PCDH15: variants seen among roughly 807,000 people sequenced by gnomAD.
PCDH15 encodes protocadherin-15.
Under a neutral mutation model 178.5 loss-of-function variants are expected in PCDH15, and 129 were observed. The observed-to-expected ratio is 0.72, with a 90% CI of 0.63 to 0.84. PCDH15 has a LOEUF of 0.84. PCDH15 is among the 40% of genes least tolerant of loss of function. The pLI is 0.00. For synonymous variants in PCDH15, 800 were observed against 732.0 expected (o/e 1.09, Z -1.50); for missense variants, 2,230 against 2,099.9 (o/e 1.06, Z -1.21).
chr10:54,578,511 T>TA (rs1433041906), intron 2 of PCDH15, among the ~76,000 whole-genome samples: 1 of 152,166 alleles, frequency 6.6e-6, no homozygotes, highest in East Asian at 1.9e-4. Flanking sequence ...CTACATGGTT[T>TA]AAAATAGTAA....
chr10:54,483,672 A>G (rs1274741154), intron 3 of PCDH15, among the ~76,000 whole-genome samples: 1 of 151,832 alleles, frequency 6.6e-6, no homozygotes, highest in African/African-American at 2.4e-5. Context: ...AAAGAAATCA[A>G]TCCTATACTT....
intron 1 of PCDH15, among the ~76,000 whole-genome samples, chr10:54,696,068 A>G (rs1304320401): frequency 3.3e-5 from 5 of 152,050 alleles, no homozygotes; most frequent in African/African-American, 1.2e-4. Flanking sequence ...TCACAAGACT[A>G]TAGCTGGCAT....
At position 53,804,953 on chromosome 10, in the gene PCDH15, T is replaced by C. The variant is rs1223290335; in HGVS notation, c.*1626A>G. ...TTGTTTGTTTGTTTTGTTTTGTTTT[T>C]TTGGCAAGGGTATGGAATGCATTAA... On this transcript the variant is annotated 3_prime_UTR_variant, in exon 38 of 38. Coordinates refer to ENST00000644397, the MANE Select transcript of PCDH15 (RefSeq NM_001384140.1). 6.6e-6 allele frequency: 1 copy of C among 151,918 alleles called. No homozygotes were observed. Among genetic ancestry groups the C allele is most frequent in the Non-Finnish European group, 1.5e-5 (1 of 67,932 alleles). 9.4% of individuals were successfully genotyped at this position (151,918 alleles called of 1,614,324 possible).
intron 4 of PCDH15, among the ~76,000 whole-genome samples, chr10:54,376,550 CTACTA>C (rs2134952012): frequency 6.6e-6 from 1 of 151,156 alleles, no homozygotes; most frequent in South Asian, 2.1e-4. Flanking sequence ...AATGAATTCT[CTACTA>C]TATCTTTGTA....
At chr10:53,974,521 A>G (rs1022756463) in intron 21 of PCDH15, among the ~76,000 whole-genome samples, 5 of 152,100 alleles carry the variant, frequency 3.3e-5, no homozygotes, top group African/African-American at 1.2e-4. Context: ...TCATGCTCAT[A>G]TGTTTTATTT....
chr10:55,067,601 C>T (rs374829918), intron 2 of PCDH15, among the ~76,000 whole-genome samples: 1 of 150,664 alleles, frequency 6.6e-6, no homozygotes, highest in Non-Finnish European at 1.5e-5. Flanking sequence ...TACCCAAATA[C>T]CCAGTAGCGG....
At chr10:54,807,416 T>C (rs1447119689) in intron 3 of PCDH15, among the ~76,000 whole-genome samples, 1 of 152,084 alleles carries the variant, frequency 6.6e-6, no homozygotes, top group Non-Finnish European at 1.5e-5. Flanking sequence ...AAATAAGTAT[T>C]AAAAGAATCT....
At chr10:54,381,322 G>T (rs1477806749) in intron 3 of PCDH15, among the ~76,000 whole-genome samples, 2 of 152,008 alleles carry the variant, frequency 1.3e-5, no homozygotes, top group African/African-American at 4.8e-5. Context: ...CCCAGCAGTG[G>T]TGACTGTATC....
chr10:55,535,049 C>T (rs1016582062), intron 2 of PCDH15, among the ~76,000 whole-genome samples: 3 of 151,940 alleles, frequency 2.0e-5, no homozygotes, highest in African/African-American at 7.3e-5. Context: ...ATGCTGCGGA[C>T]TAGTAGATGG....
chr10:54,080,619 C>G (rs947991570), intron 16 of PCDH15, among the ~76,000 whole-genome samples: 1 of 152,176 alleles, frequency 6.6e-6, no homozygotes, highest in East Asian at 1.9e-4. Flanking sequence ...TACAGAGAGT[C>G]AAAGCCGATG....
At chr10:55,228,722 C>G (rs1841127263) in intron 1 of PCDH15, among the ~76,000 whole-genome samples, 1 of 151,892 alleles carries the variant, frequency 6.6e-6, no homozygotes, top group African/African-American at 2.4e-5. Context: ...CTAAACACCT[C>G]TTATATCTGT....
intron 10 of PCDH15, among the ~76,000 whole-genome samples, chr10:54,199,247 T>C (rs1390186576): frequency 6.6e-6 from 1 of 152,136 alleles, no homozygotes; most frequent in Non-Finnish European, 1.5e-5. Context: ...GATATCTGTC[T>C]CCAAAGCCCA....
At chr10:54,176,691 T>A (rs2047474004) in intron 13 of PCDH15, among the ~76,000 whole-genome samples, 1 of 152,092 alleles carries the variant, frequency 6.6e-6, no homozygotes, top group African/African-American at 2.4e-5. Flanking sequence ...TCTGACTCAG[T>A]TTCAGAATAA....
intron 1 of PCDH15, among the ~76,000 whole-genome samples, chr10:55,258,842 A>G (rs1215078418): frequency 7.0e-6 from 1 of 142,570 alleles, no homozygotes; most frequent in Non-Finnish European, 1.5e-5. Flanking sequence ...TTATCTGAGT[A>G]CCTTCTTCAA....
chr10:54,264,283 G>A (rs2057524820), intron 8 of PCDH15, among the ~76,000 whole-genome samples: 1 of 152,076 alleles, frequency 6.6e-6, no homozygotes, highest in African/African-American at 2.4e-5. Flanking sequence ...TCTAAATGAA[G>A]CAAATTCAAA....
intron 2 of PCDH15, among the ~76,000 whole-genome samples, chr10:55,339,907 G>A (rs1443829599): frequency 1.3e-5 from 2 of 150,778 alleles, no homozygotes; most frequent in Non-Finnish European, 3.0e-5. Flanking sequence ...CTCCACCAAT[G>A]AAATCTTACC....
intron 2 of PCDH15, among the ~76,000 whole-genome samples, chr10:54,972,719 C>T (rs1034151815): frequency 2.7e-5 from 4 of 150,384 alleles, no homozygotes; most frequent in Non-Finnish European, 5.9e-5. Context: ...CGTGGTGGCA[C>T]GTGCCTGTAG....
chr10:54,904,310 C>T (rs1403014271), intron 2 of PCDH15, among the ~76,000 whole-genome samples: 1 of 151,972 alleles, frequency 6.6e-6, no homozygotes, highest in Non-Finnish European at 1.5e-5. Flanking sequence ...TAAGGTTGTA[C>T]TTTAAACAAT....
chr10:53,843,173 T>C (rs542867962), intron 28 of PCDH15, among the ~76,000 whole-genome samples: 3 of 152,208 alleles, frequency 2.0e-5, no homozygotes, highest in Non-Finnish European at 4.4e-5. Context: ...ATTTTTTTGT[T>C]AAACTTTTAA....
Sources: gnomAD v4.1 joint callset for allele counts (sites outside exome capture counted in the v4.1 genomes callset) on GRCh38, gnomAD v4.1.1 for gene constraint, MANE v1.5 for transcripts, NCBI Gene and HGNC (gene_info 2026-07-23, HGNC 2026-07-21) for gene names.